The following ADAMTS17 variants were observed in gnomAD, a reference collection of about 807,000 sequenced individuals.
The protein encoded by ADAMTS17 is ADAM metallopeptidase with thrombospondin type 1 motif 17, also known as A disintegrin and metalloproteinase with thrombospondin motifs 17.
ADAMTS17 carries 113 observed loss-of-function variants against 141.5 expected under a neutral mutation model. That is an observed-to-expected ratio of 0.80 (90% CI 0.69 to 0.93). The LOEUF is 0.93. Ranked by LOEUF, ADAMTS17 falls within the 40% of genes least tolerant of loss-of-function variation. The pLI, the probability that ADAMTS17 is intolerant of heterozygous loss-of-function variation, is 0.00. For missense variants in ADAMTS17, 1,659 were observed against 1,517.9 expected, an observed-to-expected ratio of 1.09 and a Z score of -1.54; for synonymous variants, 768 against 630.6, an observed-to-expected ratio of 1.22 and a Z score of -3.27.
intron 7 of ADAMTS17, among the ~76,000 whole-genome samples, chr15:100,227,687 CTT>C (rs970469181): frequency 2.0e-5 from 3 of 152,180 alleles, no homozygotes; most frequent in Non-Finnish European, 4.4e-5. Flanking sequence ...GGTGGAAAAC[CTT>C]TCTCTGAGGC....
At chr15:100,058,236 C>CGGCTCT in intron 15 of ADAMTS17, among the ~76,000 whole-genome samples, 1 of 21,704 alleles carries the variant, frequency 4.6e-5, no homozygotes, top group African/African-American at 1.6e-4. Context: ...ACTCCTATCC[C>CGGCTCT]AGCTCTGACC....
rs538344431 is a variant in ADAMTS17 at position 100,060,105 on chromosome 15, G to C, written c.2138-6051C>G. On this transcript the variant is annotated intron_variant, in intron 15 of 21. Transcript: ENST00000268070. ...GGCAATTAACAGAGTGAAGAACAGG[G>C]GACTCCCCCAGTGATTTGATTTTAT... Among the ~76,000 whole-genome samples, 33 of 152,268 alleles carry C rather than the reference G, an allele frequency of 2.2e-4. 1 individual carries two copies. The South Asian group carries it at 6.2e-3, about 29-fold the overall frequency.
intron 15 of ADAMTS17, among the ~76,000 whole-genome samples, chr15:100,058,391 T>C (rs1031794422): frequency 3.2e-4 from 18 of 56,712 alleles, no homozygotes; most frequent in Non-Finnish European, 6.3e-4. Flanking sequence ...CTAACACTCC[T>C]GAGGAGGTGA....
chr15:100,237,088 C>T (rs2042681746), intron 7 of ADAMTS17, among the ~76,000 whole-genome samples: 1 of 152,136 alleles, frequency 6.6e-6, no homozygotes, highest in Admixed American at 6.5e-5. Context: ...GCCCCTGCAA[C>T]ATCTTACCCT....
intron 4 of ADAMTS17, among the ~76,000 whole-genome samples, chr15:100,273,951 T>G: frequency 6.6e-6 from 1 of 152,354 alleles, no homozygotes; most frequent in Middle Eastern, 3.4e-3. Flanking sequence ...GGTTATTTAA[T>G]AGTATGTGGT....
chr15:100,177,141 A>G (rs1390655938), intron 8 of ADAMTS17, among the ~76,000 whole-genome samples: 3 of 152,254 alleles, frequency 2.0e-5, no homozygotes, highest in African/African-American at 7.2e-5. Context: ...CAACAGTGCA[A>G]TTGCTGGGCC....
At chr15:100,029,261 C>T (rs565429920) in intron 18 of ADAMTS17, among the ~76,000 whole-genome samples, 2 of 152,350 alleles carry the variant, frequency 1.3e-5, no homozygotes, top group Admixed American at 1.3e-4. Flanking sequence ...ACTACCTCTA[C>T]TCTGACCTTT....
At position 100,190,503 on chromosome 15, in the gene ADAMTS17, CCAGAGGCCACAGGT is replaced by C. The variant is rs1221295142; in HGVS notation, c.1181+8801_1181+8814del. Among the ~76,000 whole-genome samples, 215 of 152,000 alleles carry C rather than the reference CCAGAGGCCACAGGT, an allele frequency of 1.4e-3. 1 individual carries two copies. The highest frequency in any genetic ancestry group is 4.8e-3 in the African/African-American group (198 of 41,282). ...TTCCAGAGGCCACAGGTTGGGTTTT[CCAGAGGCCACAGGT>C]TGGGCCTGTCCACTACAGGAGAGGT... On this transcript the variant is annotated intron_variant, in intron 8 of 21. Coordinates refer to ENST00000268070, the MANE Select transcript of ADAMTS17 (RefSeq NM_139057.4).
intron 3 of ADAMTS17, among the ~76,000 whole-genome samples, chr15:100,318,092 T>A (rs1202341063): frequency 6.6e-6 from 1 of 152,042 alleles, no homozygotes; most frequent in Non-Finnish European, 1.5e-5. Context: ...ATGACTGAGG[T>A]GACGGGTCAG....
intron 7 of ADAMTS17, among the ~76,000 whole-genome samples, chr15:100,213,220 G>C (rs1224532311): frequency 1.3e-5 from 2 of 152,158 alleles, no homozygotes; most frequent in East Asian, 3.8e-4. Flanking sequence ...AACATCCATG[G>C]AGATGGACTT....
intron 3 of ADAMTS17, among the ~76,000 whole-genome samples, chr15:100,313,818 C>T (rs1423731881): frequency 2.1e-5 from 3 of 139,838 alleles, no homozygotes; most frequent in South Asian, 2.5e-4. Flanking sequence ...CATGAAGAAA[C>T]GTCAGACAAA....
intron 7 of ADAMTS17, among the ~76,000 whole-genome samples, chr15:100,205,475 A>C (rs4419043): frequency 1.3e-5 from 2 of 151,988 alleles, no homozygotes; most frequent in Non-Finnish European, 2.9e-5. Context: ...CCCACCTGCC[A>C]GAGAAGATGA....
At chr15:100,227,566 G>A (rs1179275651) in intron 7 of ADAMTS17, among the ~76,000 whole-genome samples, 2 of 152,238 alleles carry the variant, frequency 1.3e-5, no homozygotes, top group South Asian at 2.1e-4. Context: ...AGGCAGCCCA[G>A]TGATGGCACA....
chr15:100,067,065 C>T (rs184073958), intron 15 of ADAMTS17, among the ~76,000 whole-genome samples: 15 of 150,918 alleles, frequency 9.9e-5, no homozygotes, highest in East Asian at 2.0e-4. Context: ...ATTCCTTCAA[C>T]GCTTGAAATA....
chr15:100,212,806 T>C (rs2041850027), intron 7 of ADAMTS17, among the ~76,000 whole-genome samples: 1 of 128,232 alleles, frequency 7.8e-6, no homozygotes, highest in Non-Finnish European at 1.5e-5. Context: ...CAATGTCACT[T>C]GTAAAAGAGC....
Position 100,053,996 on chromosome 15 carries a change from TC to T in ADAMTS17, c.2195del (p.Gly732GlufsTer13). ...CAGTTGTGCCTGCAATCTGGAACTC[TC>T]CGGGGAGCTCTATCTTCCAGTCACT... Reference protein sequence around the residue: ...INSDWKIELPGEFQIAGTTVR... With the variant: ...INSDWKIELPXEFQIAGTTVR... On this transcript the variant is annotated frameshift_variant, in exon 16 of 22. Coordinates refer to ENST00000268070, the MANE Select transcript of ADAMTS17 (RefSeq NM_139057.4). LOFTEE classifies it high-confidence loss of function. The T allele has an allele frequency of 6.2e-7, 1 of 1,614,132 alleles. No homozygotes were observed. Among genetic ancestry groups the T allele is most frequent in the Non-Finnish European group, 8.5e-7 (1 of 1,180,012 alleles).
Position 100,135,935 on chromosome 15 carries a change from T to A in ADAMTS17, c.1474-2620A>T, listed in dbSNP as rs1054929798. On this transcript the variant is annotated intron_variant, in intron 10 of 21. Coordinates refer to ENST00000268070, the MANE Select transcript of ADAMTS17 (RefSeq NM_139057.4). ...TGAAGAAGATGGAGAGCACCGCTCA[T>A]TGGGAACAATGGGGCACAATGGGTC... Among the ~76,000 whole-genome samples the A allele has an allele frequency of 2.6e-5, 4 of 152,216 alleles. No individual in the cohort carries two copies. In the South Asian group the frequency reaches 6.2e-4, roughly 24 times the overall value.
intron 18 of ADAMTS17, among the ~76,000 whole-genome samples, chr15:100,028,183 T>C (rs547474277): frequency 5.9e-5 from 9 of 152,302 alleles, no homozygotes; most frequent in African/African-American, 1.9e-4. Context: ...CCAATAACAC[T>C]GTCAGACAGG....
intron 20 of ADAMTS17, among the ~76,000 whole-genome samples, chr15:99,983,565 G>A (rs1027440859): frequency 3.9e-5 from 6 of 152,186 alleles, no homozygotes; most frequent in African/African-American, 1.2e-4. Context: ...GAGAATTAGC[G>A]AGAGGAGGCT....
Sources: gnomAD v4.1 joint callset for allele counts (sites outside exome capture counted in the v4.1 genomes callset) on GRCh38, gnomAD v4.1.1 for gene constraint, MANE v1.5 for transcripts, NCBI Gene and HGNC (gene_info 2026-07-23, HGNC 2026-07-21) for gene names.